Variants in LRMDA observed in about 807,000 individuals in gnomAD.
The protein encoded by LRMDA is leucine-rich melanocyte differentiation-associated protein.
LRMDA carries 18 observed loss-of-function variants against 29.8 expected under a neutral mutation model. That is an observed-to-expected ratio of 0.60 (90% CI 0.42 to 0.90). LRMDA has a LOEUF of 0.90. LRMDA is among the 40% of genes least tolerant of loss of function. The probability of loss-of-function intolerance (pLI) is 0.00; values close to 1 mark genes in which losing one functional copy is unlikely to be tolerated. For synonymous variants in LRMDA, 125 were observed against 109.4 expected (o/e 1.14, Z -0.89); for missense variants, 273 against 273.9 (o/e 1.00, Z 0.02).
intron 2 of LRMDA, among the ~76,000 whole-genome samples, chr10:75,561,972 AGGTGT>A (rs1840302442): frequency 1.3e-5 from 2 of 152,010 alleles, no homozygotes; most frequent in Admixed American, 6.6e-5. Flanking sequence ...ATTTTGGAAT[AGGTGT>A]GGTGTGGTGC....
chr10:75,617,464 C>A (rs1314594407), intron 2 of LRMDA, among the ~76,000 whole-genome samples: 1 of 152,208 alleles, frequency 6.6e-6, no homozygotes, highest in Non-Finnish European at 1.5e-5. Flanking sequence ...TAAATCTGCA[C>A]TCTGATGAAG....
At chr10:75,543,917 T>C (rs553055537) in intron 2 of LRMDA, among the ~76,000 whole-genome samples, 243 of 152,304 alleles carry the variant, frequency 1.6e-3, no homozygotes, top group African/African-American at 5.7e-3. Flanking sequence ...AACTTACTAA[T>C]TCTGATACAA....
At chr10:75,896,004 G>A (rs1010474098) in intron 2 of LRMDA, among the ~76,000 whole-genome samples, 1 of 152,172 alleles carries the variant, frequency 6.6e-6, no homozygotes. Context: ...GTTTTCCCAT[G>A]TGTATATTGA....
chr10:75,454,310 A>G (rs930803619), intron 2 of LRMDA, among the ~76,000 whole-genome samples: 1 of 152,128 alleles, frequency 6.6e-6, no homozygotes, highest in Admixed American at 6.5e-5. Flanking sequence ...CTACAGACCC[A>G]CCTTGGGGAG....
chr10:76,449,343 T>C (rs1842383437), intron 6 of LRMDA, among the ~76,000 whole-genome samples: 1 of 151,920 alleles, frequency 6.6e-6, no homozygotes, highest in African/African-American at 2.4e-5. Context: ...TCATAAGTTA[T>C]ATGTCCTTTA....
intron 5 of LRMDA, among the ~76,000 whole-genome samples, chr10:76,228,435 G>A (rs1021569619): frequency 6.6e-6 from 1 of 152,192 alleles, no homozygotes; most frequent in Non-Finnish European, 1.5e-5. Context: ...GGCATGCCAT[G>A]TGGGAGATGA....
At chr10:76,089,899 T>C (rs898886668) in intron 5 of LRMDA, among the ~76,000 whole-genome samples, 2 of 152,230 alleles carry the variant, frequency 1.3e-5, no homozygotes, top group Admixed American at 6.5e-5. Context: ...TCCCATTAAC[T>C]CACTAACTGA....
At chr10:75,780,266 G>C (rs1319631321) in intron 2 of LRMDA, among the ~76,000 whole-genome samples, 4 of 152,208 alleles carry the variant, frequency 2.6e-5, no homozygotes, top group Non-Finnish European at 5.9e-5. Context: ...TCTATACTGT[G>C]AAGTGACTCA....
At chr10:76,451,802 C>T (rs1403085961) in intron 6 of LRMDA, among the ~76,000 whole-genome samples, 2 of 151,990 alleles carry the variant, frequency 1.3e-5, no homozygotes, top group Non-Finnish European at 2.9e-5. Context: ...GGATTACAGG[C>T]ATGTGCCACC....
chr10:76,340,207 ATGT>A (rs1019971713), intron 6 of LRMDA, among the ~76,000 whole-genome samples: 4 of 152,130 alleles, frequency 2.6e-5, no homozygotes, highest in African/African-American at 9.7e-5. Flanking sequence ...TATAAGGATG[ATGT>A]TACTAGTTAT....
intron 5 of LRMDA, among the ~76,000 whole-genome samples, chr10:76,116,855 A>T (rs962542041): frequency 6.6e-6 from 1 of 152,128 alleles, no homozygotes; most frequent in Non-Finnish European, 1.5e-5. Flanking sequence ...TGTCTGTTAC[A>T]TACATTCAAG....
At chr10:76,414,330 A>G (rs943092984) in intron 6 of LRMDA, among the ~76,000 whole-genome samples, 3 of 152,214 alleles carry the variant, frequency 2.0e-5, no homozygotes, top group Non-Finnish European at 2.9e-5. Context: ...AAAACAAACC[A>G]GAAACCAACC....
At chr10:75,854,921 T>G (rs931043002) in intron 2 of LRMDA, among the ~76,000 whole-genome samples, 15 of 152,330 alleles carry the variant, frequency 9.8e-5, no homozygotes, top group Admixed American at 9.8e-4. Context: ...GGCTGCATAG[T>G]ATTCCATGGA....
chr10:75,837,271 C>G (rs1370711284), intron 2 of LRMDA, among the ~76,000 whole-genome samples: 1 of 152,174 alleles, frequency 6.6e-6, no homozygotes, highest in Non-Finnish European at 1.5e-5. Flanking sequence ...CAGATAGTCA[C>G]TACTCCTGTA....
intron 2 of LRMDA, among the ~76,000 whole-genome samples, chr10:75,936,747 T>C (rs1402862584): frequency 6.6e-6 from 1 of 152,162 alleles, no homozygotes; most frequent in Non-Finnish European, 1.5e-5. Context: ...CTGAGGTCTC[T>C]TTTATAAGGG....
chr10:76,368,417 T>G (rs1267500247), intron 6 of LRMDA, among the ~76,000 whole-genome samples: 1 of 152,188 alleles, frequency 6.6e-6, no homozygotes, highest in South Asian at 2.1e-4. Context: ...TTTTGAAGAT[T>G]CCTTTTGGAT....
intron 2 of LRMDA, among the ~76,000 whole-genome samples, chr10:75,513,405 C>G (rs1006431077): frequency 6.6e-6 from 1 of 152,204 alleles, no homozygotes; most frequent in African/African-American, 2.4e-5. Context: ...TATCGCTTCT[C>G]AGTGTGCCTC....
At chr10:75,717,340 A>T (rs1842513832) in intron 2 of LRMDA, among the ~76,000 whole-genome samples, 1 of 152,226 alleles carries the variant, frequency 6.6e-6, no homozygotes, top group Non-Finnish European at 1.5e-5. Context: ...CTCCATTTGC[A>T]GAGTCAAGCC....
At chr10:76,259,051 A>G (rs1444170815) in intron 5 of LRMDA, among the ~76,000 whole-genome samples, 1 of 152,174 alleles carries the variant, frequency 6.6e-6, no homozygotes, top group Non-Finnish European at 1.5e-5. Context: ...ACTGTTCTCC[A>G]TAGTGGCTGT....
Sources: gnomAD v4.1 joint callset for allele counts (sites outside exome capture counted in the v4.1 genomes callset) on GRCh38, gnomAD v4.1.1 for gene constraint, MANE v1.5 for transcripts, NCBI Gene and HGNC (gene_info 2026-07-23, HGNC 2026-07-21) for gene names.